The following ANO3 variants were observed in gnomAD, a reference collection of about 807,000 sequenced individuals.
ANO3 encodes anoctamin 3.
A neutral mutation model predicts 144.8 loss-of-function variants in ANO3; 99 were observed. That is an observed-to-expected ratio of 0.68 (90% confidence interval 0.58 to 0.81). The LOEUF (loss-of-function observed/expected upper bound fraction) is 0.81, where lower values mean the gene tolerates loss of function less well. Ranked by LOEUF, ANO3 falls within the 30% of genes least tolerant of loss-of-function variation. ANO3 has a pLI of 0.00. For missense variants in ANO3, 905 were observed against 1,202.2 expected (o/e 0.75, Z 3.66); for synonymous variants, 414 against 392.6 (o/e 1.05, Z -0.64).
At chr11:26,203,084 A>C (rs1165017410) in intron 1 of ANO3, among the ~76,000 whole-genome samples, 1 of 152,138 alleles carries the variant, frequency 6.6e-6, no homozygotes, top group Non-Finnish European at 1.5e-5. Context: ...TAGTGAAGAC[A>C]TGCCACCAAG....
intron 1 of ANO3, among the ~76,000 whole-genome samples, chr11:26,369,822 A>C (rs1488285810): frequency 3.3e-5 from 5 of 152,170 alleles, no homozygotes; most frequent in African/African-American, 1.2e-4. Flanking sequence ...AGTTTGGTGT[A>C]ACACTGAATC....
At chr11:26,394,000 T>C (rs188499139) in intron 1 of ANO3, among the ~76,000 whole-genome samples, 6 of 152,278 alleles carry the variant, frequency 3.9e-5, no homozygotes, top group African/African-American at 1.4e-4. Context: ...GAAATGGCCT[T>C]TCTAAATAAT....
At chr11:26,260,821 G>A (rs1853171398) in intron 1 of ANO3, among the ~76,000 whole-genome samples, 1 of 151,954 alleles carries the variant, frequency 6.6e-6, no homozygotes, top group Non-Finnish European at 1.5e-5. Context: ...GATTTTCCTG[G>A]GTAATTTTCC....
At chr11:26,532,262 T>C (rs1230556713) in intron 8 of ANO3, among the ~76,000 whole-genome samples, 1 of 152,206 alleles carries the variant, frequency 6.6e-6, no homozygotes, top group Non-Finnish European at 1.5e-5. Context: ...TCCAGTGATA[T>C]TGTAGTGGCA....
intron 13 of ANO3, chr11:26,559,432 CT>C: frequency 3.8e-6 from 1 of 260,770 alleles, no homozygotes; most frequent in Non-Finnish European, 7.2e-6. Context: ...CCCACAAATA[CT>C]TCCATAGAAT....
At chr11:26,657,258 T>C (rs1251483134) in intron 26 of ANO3, among the ~76,000 whole-genome samples, 1 of 152,156 alleles carries the variant, frequency 6.6e-6, no homozygotes, top group African/African-American at 2.4e-5. Flanking sequence ...CAAAAAGTAC[T>C]TCAAATTTTT....
chr11:26,224,118 C>T (rs931773727), intron 1 of ANO3, among the ~76,000 whole-genome samples: 8 of 152,186 alleles, frequency 5.3e-5, no homozygotes, highest in Admixed American at 2.6e-4. Context: ...GACTCATGCC[C>T]TCCTTCCAGC....
chr11:26,620,164 G>T (rs865901118), intron 17 of ANO3, among the ~76,000 whole-genome samples: 64 of 152,098 alleles, frequency 4.2e-4, no homozygotes, highest in African/African-American at 1.5e-3. Context: ...AAAGTGGCAT[G>T]GTACTATTGT....
At chr11:26,273,905 A>T (rs1238562724) in intron 1 of ANO3, among the ~76,000 whole-genome samples, 1 of 152,088 alleles carries the variant, frequency 6.6e-6, no homozygotes, top group Non-Finnish European at 1.5e-5. Context: ...ACTATATAAA[A>T]CCTACTAATT....
chr11:26,249,428 G>A (rs775200574), intron 1 of ANO3, among the ~76,000 whole-genome samples: 44 of 152,122 alleles, frequency 2.9e-4, no homozygotes, highest in Non-Finnish European at 5.6e-4. Flanking sequence ...GCTACACAAA[G>A]GAACTGATGC....
chr11:26,371,850 C>T (rs2133939025), intron 1 of ANO3, among the ~76,000 whole-genome samples: 1 of 152,282 alleles, frequency 6.6e-6, no homozygotes, highest in South Asian at 2.1e-4. Context: ...TGTATCTAGG[C>T]AGGAACTAAT....
At chr11:26,578,336 A>G (rs749422129) in intron 14 of ANO3, among the ~76,000 whole-genome samples, 3 of 152,160 alleles carry the variant, frequency 2.0e-5, no homozygotes, top group Admixed American at 1.3e-4. Context: ...TAAAGCAGCA[A>G]TGAGGAGCAA....
chr11:26,247,411 T>G (rs1006730362), intron 1 of ANO3, among the ~76,000 whole-genome samples: 4 of 152,204 alleles, frequency 2.6e-5, no homozygotes, highest in African/African-American at 9.6e-5. Flanking sequence ...CTATTTCCAG[T>G]TTTTCTTTTT....
chr11:26,640,685 G>C (rs571181228), intron 21 of ANO3, among the ~76,000 whole-genome samples: 9 of 152,160 alleles, frequency 5.9e-5, no homozygotes, highest in Non-Finnish European at 1.3e-4. Flanking sequence ...CTTGCGCTAG[G>C]GGTCAGTCTG....
intron 1 of ANO3, among the ~76,000 whole-genome samples, chr11:26,407,294 A>G (rs1857314615): frequency 6.6e-6 from 1 of 151,394 alleles, no homozygotes; most frequent in African/African-American, 2.4e-5. Context: ...CCCTTTGAAA[A>G]TCATATGCAT....
intron 1 of ANO3, among the ~76,000 whole-genome samples, chr11:26,258,471 G>A (rs1328461118): frequency 1.3e-5 from 2 of 152,120 alleles, no homozygotes; most frequent in South Asian, 2.1e-4. Flanking sequence ...TTCTGAAAAC[G>A]AAATTGGAGT....
chr11:26,559,347 G>A (rs1850190987), intron 13 of ANO3: 1 of 171,998 alleles, frequency 5.8e-6, no homozygotes, highest in Admixed American at 5.9e-5. Context: ...TTGCTAACAG[G>A]AATTGCAACT....
At chr11:26,331,301 C>A (rs1185387097), upstream of ANO3, 5 of 152,084 alleles carry the variant, frequency 3.3e-5, no homozygotes. Context: ...AACAAACCTG[C>A]GCATCCTGCA....
intron 21 of ANO3, 59 bp from the exon 22 acceptor site, chr11:26,641,837 A>C (rs1853162688): frequency 6.6e-7 from 1 of 1,524,508 alleles, no homozygotes; most frequent in African/African-American, 1.4e-5. Flanking sequence ...TTCACTATAC[A>C]TTGTTAACCA....
Sources: gnomAD v4.1 joint callset for allele counts (sites outside exome capture counted in the v4.1 genomes callset) on GRCh38, gnomAD v4.1.1 for gene constraint, MANE v1.5 for transcripts, NCBI Gene and HGNC (gene_info 2026-07-23, HGNC 2026-07-21) for gene names.